PLN: variants seen among roughly 807,000 people sequenced by gnomAD.
The protein encoded by PLN is phospholamban.
PLN carries 1 observed loss-of-function variant against 3.9 expected under a neutral mutation model. The ratio of observed to expected loss-of-function variants is 0.26; its 90% confidence interval spans 0.09 to 1.23. PLN has a LOEUF of 1.23. Ranked by LOEUF, PLN falls within the 50% of genes most tolerant of loss-of-function variation. PLN has a pLI of 0.48. For synonymous variants in PLN, 21 were observed against 20.5 expected (o/e 1.02, Z -0.07); for missense variants, 59 against 62.7 (o/e 0.94, Z 0.20).
intron 1 of PLN, among the ~76,000 whole-genome samples, chr6:118,557,787 C>T (rs569904265): frequency 2.0e-4 from 30 of 152,206 alleles, no homozygotes; most frequent in African/African-American, 4.8e-4. Flanking sequence ...TGACAATAAA[C>T]GCTATGGCAC....
intron 1 of PLN, among the ~76,000 whole-genome samples, chr6:118,556,861 C>A (rs941716566): frequency 6.6e-6 from 1 of 152,128 alleles, no homozygotes; most frequent in South Asian, 2.1e-4. Context: ...TATCTCTGGA[C>A]AGTTAATACA....
intron 1 of PLN, among the ~76,000 whole-genome samples, chr6:118,552,345 T>C (rs1212739077): frequency 2.6e-5 from 4 of 152,054 alleles, no homozygotes; most frequent in Admixed American, 2.6e-4. Flanking sequence ...AAAGTATAGA[T>C]GGAGATTAAT....
At chr6:118,554,639 A>C (rs114513201) in intron 1 of PLN, among the ~76,000 whole-genome samples, 1,829 of 152,316 alleles carry the variant, frequency 0.012, 29 homozygotes, top group African/African-American at 0.042. Context: ...ATTGTGCTAT[A>C]ATCTGACAGA....
rs1232491614 is a variant in PLN, at chr6:118,561,302, G to A, written c.*2222G>A. Among the ~76,000 whole-genome samples the A allele has an allele frequency of 6.6e-6, 1 of 152,086 alleles. No homozygotes were observed. The highest frequency in any genetic ancestry group is 1.5e-5 in the Non-Finnish European group (1 of 67,996). On this transcript the variant is annotated 3_prime_UTR_variant, in exon 2 of 2. Coordinates refer to ENST00000357525, the MANE Select transcript of PLN (RefSeq NM_002667.5). Reference sequence around the variant, plus strand: ...AGTCTTAAAAACAAGTGGAAAATTTGAACTGATTAGTCATATTCCTTTGAT... The same window carrying A: ...AGTCTTAAAAACAAGTGGAAAATTTAAACTGATTAGTCATATTCCTTTGAT...
At chr6:118,558,654 C>CAGAGAGAGAGAG (rs1376671743) in intron 1 of PLN, among the ~76,000 whole-genome samples, 171 bp from the exon 2 acceptor site, 1 of 131,546 alleles carries the variant, frequency 7.6e-6, no homozygotes, top group African/African-American at 3.3e-5. Context: ...CACACACACA[C>CAGAGAGAGAGAG]ACACACAGAG....
chr6:118,557,507 T>C (rs60881635), intron 1 of PLN, among the ~76,000 whole-genome samples: 1,970 of 152,294 alleles, frequency 0.013, 51 homozygotes, highest in African/African-American at 0.045. Flanking sequence ...TGTGGGACTC[T>C]GGTTTCCTCC....
At chr6:118,551,659 C>T (rs945630478) in intron 1 of PLN, among the ~76,000 whole-genome samples, 2 of 152,002 alleles carry the variant, frequency 1.3e-5, no homozygotes, top group African/African-American at 4.8e-5. Flanking sequence ...AGAGCTTTAA[C>T]ATGAGAAGCA....
At chr6:118,555,501 AT>A (rs1438639224) in intron 1 of PLN, among the ~76,000 whole-genome samples, 1 of 151,982 alleles carries the variant, frequency 6.6e-6, no homozygotes, top group African/African-American at 2.4e-5. Flanking sequence ...TAGATCTACA[AT>A]AAGCAAATAT....
rs1779184385 is a variant in PLN, at chr6:118,560,840, A to C, written c.*1760A>C. On this transcript the variant is annotated 3_prime_UTR_variant, in exon 2 of 2. Coordinates refer to ENST00000357525, the MANE Select transcript of PLN (RefSeq NM_002667.5). ...CACCAAACTTTGGTAATTTAAGTTGACTAAAGTTTAAAATTAAGTCTAAAA... is the reference window on the plus strand; with the variant it reads ...CACCAAACTTTGGTAATTTAAGTTGCCTAAAGTTTAAAATTAAGTCTAAAA... 6.5e-6 allele frequency: 1 copy of C among 152,898 alleles called. No homozygotes were observed. Among genetic ancestry groups the C allele is most frequent in the Non-Finnish European group, 1.5e-5 (1 of 68,050 alleles). The allele number at this position is 152,898 out of a possible 1,614,324, so 9.5% of individuals were successfully genotyped here. A position where few individuals can be genotyped will look rare whatever the true frequency, so the allele number is the denominator to read the frequency against.
intron 1 of PLN, among the ~76,000 whole-genome samples, chr6:118,555,577 T>C (rs1466721064): frequency 2.0e-5 from 3 of 151,042 alleles, no homozygotes; most frequent in East Asian, 3.9e-4. Flanking sequence ...CAAAAGAAAA[T>C]CTATTTATAT....
intron 1 of PLN, among the ~76,000 whole-genome samples, chr6:118,557,829 T>C (rs746098944): frequency 2.0e-5 from 3 of 152,250 alleles, no homozygotes; most frequent in Non-Finnish European, 2.9e-5. Flanking sequence ...CGTATTTGAA[T>C]TGTTTTTGAT....
chr6:118,555,078 A>G (rs1778772905), intron 1 of PLN, among the ~76,000 whole-genome samples: 1 of 152,222 alleles, frequency 6.6e-6, no homozygotes, highest in African/African-American at 2.4e-5. Flanking sequence ...TTCAAATAGG[A>G]ATTACCAAGT....
At chr6:118,554,573 G>T (rs564469412) in intron 1 of PLN, among the ~76,000 whole-genome samples, 26 of 152,258 alleles carry the variant, frequency 1.7e-4, no homozygotes, top group African/African-American at 6.3e-4. Flanking sequence ...TAAACACACA[G>T]TTTCTTTACT....
chr6:118,557,027 T>C (rs889147506), intron 1 of PLN, among the ~76,000 whole-genome samples: 15 of 152,280 alleles, frequency 9.9e-5, no homozygotes, highest in African/African-American at 2.9e-4. Flanking sequence ...AGTCTGTAAA[T>C]AGGATATGTC....
intron 1 of PLN, among the ~76,000 whole-genome samples, chr6:118,556,183 G>A (rs1316184348): frequency 6.6e-6 from 1 of 152,192 alleles, no homozygotes; most frequent in Non-Finnish European, 1.5e-5. Context: ...GGATTGTTGG[G>A]TCGAATGGTA....
chr6:118,555,946 C>T (rs146018626), intron 1 of PLN, among the ~76,000 whole-genome samples: 28 of 152,278 alleles, frequency 1.8e-4, no homozygotes, highest in South Asian at 4.1e-4. Context: ...ATAATGACCT[C>T]CAGCTCCATC....
chr6:118,557,732 T>C (rs894287648), intron 1 of PLN, among the ~76,000 whole-genome samples: 1 of 152,114 alleles, frequency 6.6e-6, no homozygotes, highest in Non-Finnish European at 1.5e-5. Flanking sequence ...TACAAATTAT[T>C]ATCGAATAAA....
At chr6:118,552,709 C>T (rs1274936201) in intron 1 of PLN, among the ~76,000 whole-genome samples, 3 of 151,528 alleles carry the variant, frequency 2.0e-5, no homozygotes, top group Non-Finnish European at 4.4e-5. Context: ...AGGACGACAA[C>T]CAAAGGATTT....
chr6:118,552,216 G>C (rs1360494617), intron 1 of PLN, among the ~76,000 whole-genome samples: 2 of 151,940 alleles, frequency 1.3e-5, no homozygotes, highest in African/African-American at 2.4e-5. Context: ...ATTAAAAGGA[G>C]AAAAGCAAAA....
Sources: allele counts gnomAD v4.1 joint callset (sites outside exome capture counted in the v4.1 genomes callset), GRCh38; gene constraint gnomAD v4.1.1; transcripts MANE v1.5; gene names NCBI Gene and HGNC (gene_info 2026-07-23, HGNC 2026-07-21).